Variants in MYBPC1 observed in about 807,000 individuals in gnomAD.
The protein encoded by MYBPC1 is myosin-binding protein C, slow-type.
MYBPC1 carries 52 observed loss-of-function variants against 147.1 expected under a neutral mutation model. That is an observed-to-expected ratio of 0.35 (90% CI 0.28 to 0.45). MYBPC1 has a LOEUF of 0.45. Ranked by LOEUF, MYBPC1 falls within the 20% of genes least tolerant of loss-of-function variation. The pLI is 1.00. For synonymous variants in MYBPC1, 477 were observed against 475.9 expected (o/e 1.00, Z -0.03); for missense variants, 1,228 against 1,440.3 (o/e 0.85, Z 2.39).
chr12:101,686,931 C>A (rs2136978341), downstream of MYBPC1, among the ~76,000 whole-genome samples: 1 of 152,192 alleles, frequency 6.6e-6, no homozygotes, highest in Admixed American at 6.5e-5. Context: ...GGTGATGTTG[C>A]CTTACTGGTT....
rs371488909 is a variant in MYBPC1 at position 101,680,433 on chromosome 12, A to T, written c.3337A>T (p.Ile1113Phe). The T allele has an allele frequency of 6.2e-7, 1 of 1,614,026 alleles. No homozygotes were observed. The highest frequency in any genetic ancestry group is 1.3e-5 in the African/African-American group (1 of 74,932). ...CAACCAGGGAGTCTGTACCCTGGAA[A>T]TTCGCAAGCCCAGCCCCTATGATGG... ...FSNQGVCTLE[I>F]RKPSPYDGGT... Residue 1113 changes from isoleucine (I) to phenylalanine (F), a missense_variant, in exon 29 of 32, where the codon ATT (isoleucine) becomes TTT (phenylalanine). Physicochemically the swap from Ile to Phe is conservative, Grantham distance 21. This residue lies in a region of MYBPC1 where 1,077 missense variants were observed against 1,314.2 expected (regional missense o/e 0.82). Coordinates refer to ENST00000361466, the MANE Select transcript of MYBPC1 (RefSeq NM_002465.4).
chr12:101,663,667 A>G, intron 22 of MYBPC1, 107 bp downstream of exon 22: 1 of 1,300,014 alleles, frequency 7.7e-7, no homozygotes, highest in South Asian at 1.3e-5. Flanking sequence ...TTCCTACGAA[A>G]ATAAGATCAA....
At chr12:101,670,477 ACT>A in intron 24 of MYBPC1, 68 bp downstream of exon 24, 1 of 1,296,864 alleles carries the variant, frequency 7.7e-7, no homozygotes, top group Non-Finnish European at 1.1e-6. Flanking sequence ...GGGAAGAGGT[ACT>A]CTAGCATTTA....
At chr12:101,672,956 T>A (rs1219053277) in intron 24 of MYBPC1, among the ~76,000 whole-genome samples, 3 of 152,218 alleles carry the variant, frequency 2.0e-5, no homozygotes, top group Non-Finnish European at 4.4e-5. Context: ...CTACCATTAT[T>A]CCCGTTGAGG....
At chr12:101,597,153 C>G (rs1211582945) in intron 1 of MYBPC1, among the ~76,000 whole-genome samples, 1 of 152,196 alleles carries the variant, frequency 6.6e-6, no homozygotes, top group African/African-American at 2.4e-5. Flanking sequence ...CTTCTCCTAA[C>G]TGTGATTTCA....
the MYBPC1 span, among the ~76,000 whole-genome samples, chr12:101,695,417 T>C: frequency 6.6e-6 from 1 of 152,212 alleles, no homozygotes; most frequent in Admixed American, 6.5e-5. Flanking sequence ...TGGCATGCAA[T>C]TTAAAACTCA....
intron 10 of MYBPC1, among the ~76,000 whole-genome samples, chr12:101,638,970 ACATATGGTTAC>A (rs767031618): frequency 7.1e-5 from 10 of 140,430 alleles, no homozygotes; most frequent in Non-Finnish European, 1.4e-4. Context: ...TGCGGTAATG[ACATATGGTTAC>A]CATTTCTACT....
rs1382583096 is a variant in MYBPC1 at position 101,634,569 on chromosome 12, C to T, written c.572C>T (p.Thr191Ile). The T allele has an allele frequency of 3.1e-6, 5 of 1,613,118 alleles. No homozygotes were observed. The highest frequency in any genetic ancestry group is 4.2e-6 in the Non-Finnish European group (5 of 1,179,156). The change falls in exon 9 of 32, where the codon ACT (threonine) becomes ATT (isoleucine). Residue 191 changes from threonine to isoleucine, a missense_variant. Transcript: ENST00000361466. Reference protein sequence around the residue: ...DLEVHESTGTTPNIDIRSAFK... With the variant: ...DLEVHESTGTIPNIDIRSAFK... ...CCTTTCAAAGAATCTACTGGGACTA[C>T]TCCAAACATTGACATCAGATCTGCT...
chr12:101,640,790 A>G (rs576365027), intron 10 of MYBPC1, among the ~76,000 whole-genome samples: 1 of 152,148 alleles, frequency 6.6e-6, no homozygotes, highest in African/African-American at 2.4e-5. Context: ...TATTTTATCC[A>G]TGATTACAAC....
At chr12:101,631,758 G>T in intron 7 of MYBPC1, 39 bp downstream of exon 7, 1 of 1,612,818 alleles carries the variant, frequency 6.2e-7, no homozygotes, top group Non-Finnish European at 8.5e-7. Flanking sequence ...CTCAGCTAGC[G>T]CATTCCTTCT....
intron 23 of MYBPC1, 99 bp from the exon 24 acceptor site, chr12:101,670,222 A>C (rs190674676): frequency 1.3e-5 from 12 of 930,262 alleles, no homozygotes; most frequent in Admixed American, 3.4e-5. Flanking sequence ...GAGATATGCC[A>C]CAAGGGTACG....
chr12:101,652,704 C>T lies in MYBPC1; in HGVS notation c.1553C>T (p.Ala518Val), dbSNP rs150541115. Residue 518 changes from alanine to valine, a missense_variant, in exon 17 of 32, where the codon GCC becomes GTC. Transcript: ENST00000361466. ...ATCCACAAGTTAGTGATAGCCAATG[C>T]CCTCACTGAAGATGAAGGTGATTAT... The part of the protein sequence containing the change: ...GRIHKLVIAN[A>V]LTEDEGDYVF... 1.2e-5 allele frequency: 19 copies of T among 1,613,468 alleles called. No homozygotes were observed. In the Admixed American group the frequency reaches 1.8e-4, roughly 16 times the overall value.
At chr12:101,631,792 G>A (rs1307395585) in intron 7 of MYBPC1, 73 bp downstream of exon 7, 2 of 1,603,386 alleles carry the variant, frequency 1.2e-6, no homozygotes, top group African/African-American at 2.7e-5. Flanking sequence ...ATTATTTTCA[G>A]GTTCAGCTTT....
intron 25 of MYBPC1, 72 bp downstream of exon 25, chr12:101,673,694 C>T: frequency 6.6e-7 from 1 of 1,521,742 alleles, no homozygotes; most frequent in Non-Finnish European, 9.1e-7. Flanking sequence ...GTCCCTAAGG[C>T]AAGAGCAGGA....
chr12:101,596,370 C>A (rs1877242033), intron 1 of MYBPC1, among the ~76,000 whole-genome samples: 1 of 152,190 alleles, frequency 6.6e-6, no homozygotes, highest in Admixed American at 6.5e-5. Flanking sequence ...GGGAGTCCAA[C>A]CCCTGCTAAA....
Position 101,651,304 on chromosome 12 carries a change from T to C in MYBPC1, c.1437T>C (p.Cys479=), listed in dbSNP as rs1478191875. The C allele has an allele frequency of 1.2e-6, 2 of 1,614,092 alleles. No individual in the cohort carries two copies. Among genetic ancestry groups the C allele is most frequent in the Admixed American group, 3.3e-5 (2 of 60,024 alleles). Residue 479 remains cysteine, a synonymous_variant, in exon 16 of 32, where the codon TGT becomes TGC. Coordinates refer to ENST00000361466, the MANE Select transcript of MYBPC1 (RefSeq NM_002465.4). ...VNLGKEICLK[C]EISENIPGKW... is the part of the protein sequence containing the mutation. ...TTGGAAAAGAAATCTGCCTGAAGTG[T>C]GAAATCTCTGAAAACATACCAGGAA...
chr12:101,610,150 C>T (rs1025282317), intron 1 of MYBPC1, among the ~76,000 whole-genome samples: 9 of 152,158 alleles, frequency 5.9e-5, no homozygotes, highest in Admixed American at 1.3e-4. Flanking sequence ...TTGGCCTTTA[C>T]CACTCCTTGG....
chr12:101,644,901 A>G, intron 12 of MYBPC1, 105 bp downstream of exon 12: 3 of 1,134,000 alleles, frequency 2.6e-6, no homozygotes, highest in East Asian at 5.2e-5. Context: ...TTTTCATAAT[A>G]CAAAATCATA....
chr12:101,669,705 G>A (rs1260471120), intron 23 of MYBPC1, among the ~76,000 whole-genome samples: 1 of 152,130 alleles, frequency 6.6e-6, no homozygotes, highest in East Asian at 1.9e-4. Context: ...GGGAGACTAA[G>A]GCAGGTGGAT....
Sources: allele counts gnomAD v4.1 joint callset (sites outside exome capture counted in the v4.1 genomes callset), GRCh38; gene constraint gnomAD v4.1.1; regional missense constraint gnomAD v4.1.1; transcripts MANE v1.5; gene names NCBI Gene and HGNC (gene_info 2026-07-23, HGNC 2026-07-21).